LAMA3: variants seen among roughly 807,000 people sequenced by gnomAD.
LAMA3 encodes the protein laminin subunit alpha-3.
LAMA3 carries 281 observed loss-of-function variants against 402.0 expected under a neutral mutation model. That is an observed-to-expected ratio of 0.70 (90% CI 0.63 to 0.77). LAMA3 has a LOEUF of 0.77. Among genes scored for constraint, LAMA3 ranks in the 30% least tolerant of loss-of-function variants. The pLI is 0.00. For missense variants in LAMA3, 3,840 were observed against 4,215.5 expected (o/e 0.91, Z 2.47); for synonymous variants, 1,431 against 1,558.4 (o/e 0.92, Z 1.93).
At chr18:23,737,725 T>C (rs2061499282) in intron 2 of LAMA3, among the ~76,000 whole-genome samples, 1 of 152,212 alleles carries the variant, frequency 6.6e-6, no homozygotes, top group Non-Finnish European at 1.5e-5. Flanking sequence ...CAGCATTGGC[T>C]CAGAGGATTC....
At position 23,954,644 on chromosome 18, in the gene LAMA3, A is replaced by G. The variant is rs1348681679; in HGVS notation, c.9998A>G (p.Gln3333Arg). ...GTCAGTCTGAATGGTTGTCCTGACC[A>G]GTAACCCAAGCCTATTTCACAGCAA... is the stretch of plus-strand genomic sequence containing the variant. Reference protein sequence around the residue: ...GPVSLNGCPDQ With the variant: ...GPVSLNGCPDR Residue 3333 changes from glutamine (Q) to arginine (R), a missense_variant, in exon 75 of 75, where the codon CAG (glutamine) becomes CGG (arginine). Gln to Arg is a conservative substitution (Grantham distance 43). Transcript: ENST00000313654. 1 of 1,614,138 alleles carries G rather than the reference A, an allele frequency of 6.2e-7. No homozygotes were observed. The highest frequency in any genetic ancestry group is 2.2e-5 in the East Asian group (1 of 44,878).
intron 11 of LAMA3, among the ~76,000 whole-genome samples, chr18:23,782,394 A>G (rs2062453960): frequency 6.6e-6 from 1 of 152,084 alleles, no homozygotes; most frequent in Non-Finnish European, 1.5e-5. Flanking sequence ...TGTCTCTACT[A>G]AAAATACAAA....
At chr18:23,717,046 T>G (rs1355388690) in intron 2 of LAMA3, among the ~76,000 whole-genome samples, 1 of 152,140 alleles carries the variant, frequency 6.6e-6, no homozygotes, top group Non-Finnish European at 1.5e-5. Context: ...TAGAAAACAC[T>G]ACCTATAATA....
intron 62 of LAMA3, among the ~76,000 whole-genome samples, chr18:23,926,779 C>T (rs1174177903): frequency 2.0e-5 from 3 of 152,172 alleles, no homozygotes; most frequent in African/African-American, 7.2e-5. Flanking sequence ...GAAGTCAAAT[C>T]GAAGGGGAAA....
intron 65 of LAMA3, among the ~76,000 whole-genome samples, chr18:23,931,844 ATGT>A (rs368345201): frequency 2.7e-3 from 413 of 152,302 alleles, no homozygotes; most frequent in African/African-American, 9.4e-3. Context: ...GGTGCTGGTA[ATGT>A]TGGTGTATTT....
At chr18:23,724,061 C>G (rs998698514) in intron 2 of LAMA3, among the ~76,000 whole-genome samples, 2 of 152,076 alleles carry the variant, frequency 1.3e-5, no homozygotes, top group African/African-American at 4.8e-5. Context: ...TCCCCAAAGT[C>G]CATTGAGTAA....
At chr18:23,919,357 G>T (rs1568344788) in intron 60 of LAMA3, among the ~76,000 whole-genome samples, 1 of 152,172 alleles carries the variant, frequency 6.6e-6, no homozygotes. Flanking sequence ...CTTATCTTAG[G>T]GAAGTAGCTG....
intron 29 of LAMA3, 38 bp from the exon 30 acceptor site, chr18:23,844,971 A>G (rs768816527): frequency 4.3e-6 from 5 of 1,171,010 alleles, no homozygotes; most frequent in Non-Finnish European, 6.4e-6. Context: ...CTGTGTCATC[A>G]TTGGAAATTC....
intron 23 of LAMA3, among the ~76,000 whole-genome samples, chr18:23,833,490 C>T (rs2063524305): frequency 6.6e-6 from 1 of 152,228 alleles, no homozygotes; most frequent in African/African-American, 2.4e-5. Context: ...ATGTCTTTTA[C>T]CTTGAGAAAC....
rs1458552355 is a variant in LAMA3, at chr18:23,689,994, G to T, written c.294+17G>T. 1 of 1,421,474 alleles carries T rather than the reference G, an allele frequency of 7.0e-7. No homozygotes were observed. Among genetic ancestry groups the T allele is most frequent in the Non-Finnish European group, 9.2e-7 (1 of 1,084,352 alleles). The allele number at this position is 1,421,474 out of a possible 1,614,324, so 88.1% of individuals were successfully genotyped here. A position where few individuals can be genotyped will look rare whatever the true frequency, so the allele number is the denominator to read the frequency against. On this transcript the variant is annotated intron_variant, in intron 1 of 74. Transcript: ENST00000313654. ...ACCATCCAGGTGAGGGCCTCGGAGA[G>T]AGCCGGGGTGGGCGCGCCTTTTCCT...
chr18:23,712,571 G>C (rs567696422), intron 1 of LAMA3, among the ~76,000 whole-genome samples: 5 of 150,638 alleles, frequency 3.3e-5, no homozygotes, highest in Non-Finnish European at 7.4e-5. Flanking sequence ...ACCTCAGGAA[G>C]TGGCGGGGCC....
intron 44 of LAMA3, among the ~76,000 whole-genome samples, chr18:23,897,347 C>T (rs974894191): frequency 1.2e-4 from 18 of 152,086 alleles, no homozygotes; most frequent in African/African-American, 4.1e-4. Flanking sequence ...TTTTGCATAA[C>T]TTTAGTCCAA....
intron 31 of LAMA3, among the ~76,000 whole-genome samples, chr18:23,846,802 T>C (rs1254990847): frequency 6.6e-6 from 1 of 152,176 alleles, no homozygotes; most frequent in African/African-American, 2.4e-5. Flanking sequence ...AGCAGGTGAG[T>C]GTGACAAGTC....
At chr18:23,792,959 A>G (rs372244774) in intron 12 of LAMA3, among the ~76,000 whole-genome samples, 2 of 152,146 alleles carry the variant, frequency 1.3e-5, no homozygotes, top group East Asian at 1.9e-4. Context: ...AGACCGGGAG[A>G]CAACTGCTAT....
intron 12 of LAMA3, among the ~76,000 whole-genome samples, chr18:23,794,579 C>T (rs777783884): frequency 7.2e-5 from 11 of 152,120 alleles, no homozygotes; most frequent in African/African-American, 2.2e-4. Context: ...ACAGGAGATT[C>T]GACTTTAAAC....
rs1324946563 is a variant in LAMA3 at position 23,946,129 on chromosome 18, T to C, written c.9211-15T>C. On this transcript the variant is annotated splice_polypyrimidine_tract_variant and intron_variant, in intron 69 of 74. Transcript: ENST00000313654. The stretch of plus-strand genomic sequence containing the variant: ...AAGGTAAAAATACAACTCACGTATC[T>C]TTCTTACTCTGAAGGTGGTGTTTGG... 1.9e-6 allele frequency: 3 copies of C among 1,613,028 alleles called. No individual in the cohort carries two copies.
chr18:23,836,050 T>G (rs1471489902), intron 24 of LAMA3, among the ~76,000 whole-genome samples: 3 of 151,900 alleles, frequency 2.0e-5, no homozygotes, highest in Non-Finnish European at 4.4e-5. Context: ...AGTAAATTAC[T>G]TAGTATATTT....
At chr18:23,694,565 C>T (rs1312757471) in intron 1 of LAMA3, among the ~76,000 whole-genome samples, 1 of 152,206 alleles carries the variant, frequency 6.6e-6, no homozygotes, top group East Asian at 1.9e-4. Flanking sequence ...AATGAGGAAA[C>T]TGAAGCGCAC....
chr18:23,722,711 T>C (rs909185844), intron 2 of LAMA3, among the ~76,000 whole-genome samples: 2 of 152,168 alleles, frequency 1.3e-5, no homozygotes, highest in African/African-American at 4.8e-5. Context: ...AAAACTGTAC[T>C]AGGGAACAGC....
Sources: gnomAD v4.1 joint callset for allele counts (sites outside exome capture counted in the v4.1 genomes callset) on GRCh38, gnomAD v4.1.1 for gene constraint, MANE v1.5 for transcripts, NCBI Gene and HGNC (gene_info 2026-07-23, HGNC 2026-07-21) for gene names.